ZDHHC21: variants seen among roughly 807,000 people sequenced by gnomAD.
ZDHHC21 encodes palmitoyltransferase ZDHHC21.
In ZDHHC21, 15 loss-of-function variants were observed where a neutral mutation model predicts 34.6. That is an observed-to-expected ratio of 0.43 (90% CI 0.29 to 0.67). The LOEUF (loss-of-function observed/expected upper bound fraction) is 0.67, where lower values mean the gene tolerates loss of function less well. Ranked by LOEUF, ZDHHC21 falls within the 30% of genes least tolerant of loss-of-function variation. ZDHHC21 has a pLI of 0.14. For missense variants in ZDHHC21, 344 were observed against 327.7 expected, an observed-to-expected ratio of 1.05 and a Z score of -0.38; for synonymous variants, 142 against 101.8, an observed-to-expected ratio of 1.40 and a Z score of -2.38.
chr9:14,619,120 G>C, intron 9 of ZDHHC21, 22 bp from the exon 10 acceptor site: 1 of 1,584,584 alleles, frequency 6.3e-7, no homozygotes, highest in Non-Finnish European at 8.6e-7. Context: ...AGCATTATTA[G>C]TGAAAGACAG....
the ZDHHC21 span, among the ~76,000 whole-genome samples, chr9:14,592,994 T>C: frequency 2.0e-5 from 3 of 152,140 alleles, no homozygotes; most frequent in Non-Finnish European, 4.4e-5. Flanking sequence ...TCAAAATTTA[T>C]GTGGTACAGC....
At chr9:14,681,252 TCTCA>T (rs1837318885) in intron 2 of ZDHHC21, among the ~76,000 whole-genome samples, 1 of 152,146 alleles carries the variant, frequency 6.6e-6, no homozygotes, top group South Asian at 2.1e-4. Flanking sequence ...TCAGACTCGG[TCTCA>T]CTATGTTGCC....
intron 7 of ZDHHC21, among the ~76,000 whole-genome samples, chr9:14,655,971 A>G (rs1832132008): frequency 1.3e-5 from 2 of 151,732 alleles, no homozygotes; most frequent in African/African-American, 2.4e-5. Flanking sequence ...AACACTAACT[A>G]AAAGACAACT....
At chr9:14,610,315 C>T (rs1823162135), downstream of ZDHHC21, among the ~76,000 whole-genome samples, 1 of 151,802 alleles carries the variant, frequency 6.6e-6, no homozygotes, top group Admixed American at 6.6e-5. Context: ...AGAATCAAAA[C>T]AAAGGAAATT....
At chr9:14,680,749 T>C (rs958780302) in intron 2 of ZDHHC21, among the ~76,000 whole-genome samples, 2 of 152,234 alleles carry the variant, frequency 1.3e-5, no homozygotes, top group Middle Eastern at 3.4e-3. Flanking sequence ...ACACAGGGTA[T>C]AGATGAAAAA....
chr9:14,660,219 A>G (rs1417317488), intron 6 of ZDHHC21, among the ~76,000 whole-genome samples: 4 of 151,876 alleles, frequency 2.6e-5, no homozygotes, highest in Admixed American at 6.6e-5. Context: ...TACAAAAATT[A>G]GCCAAGCATG....
the ZDHHC21 span, among the ~76,000 whole-genome samples, chr9:14,600,770 C>T: frequency 3.3e-4 from 50 of 152,218 alleles, no homozygotes; most frequent in African/African-American, 1.2e-3. Context: ...GCTACAGTAA[C>T]CAAAACAGCA....
At chr9:14,685,366 AAAC>A (rs996127528) in intron 2 of ZDHHC21, among the ~76,000 whole-genome samples, 95 of 151,880 alleles carry the variant, frequency 6.3e-4, no homozygotes, top group African/African-American at 2.2e-3. Flanking sequence ...AGAAAAAAAC[AAAC>A]AACCCCATCA....
chr9:14,659,576 T>A (rs968873420), intron 6 of ZDHHC21, among the ~76,000 whole-genome samples: 2 of 152,150 alleles, frequency 1.3e-5, no homozygotes, highest in Non-Finnish European at 1.5e-5. Flanking sequence ...TGTCAAAGTA[T>A]CCTAAAATTC....
At chr9:14,671,983 C>T (rs912377208) in intron 5 of ZDHHC21, among the ~76,000 whole-genome samples, 15 of 152,062 alleles carry the variant, frequency 9.9e-5, no homozygotes, top group African/African-American at 3.6e-4. Flanking sequence ...TTGACTGTTT[C>T]ATCTATATGC....
chr9:14,605,049 C>G, the ZDHHC21 span, among the ~76,000 whole-genome samples: 1 of 152,168 alleles, frequency 6.6e-6, no homozygotes, highest in Non-Finnish European at 1.5e-5. Flanking sequence ...CCTTCCTTTT[C>G]TATGGCTGAA....
rs1321418871 is a variant in ZDHHC21 at position 14,611,834 on chromosome 9, T to C, written c.*7132A>G. On this transcript the variant is annotated 3_prime_UTR_variant, in exon 10 of 10. Transcript: ENST00000380916. ...CACAATTCACTTGTCGGAATATCTC[T>C]GATTCTGGTGGAAGTTTTTACTTTT... The C allele has an allele frequency of 2.0e-5, 3 of 152,076 alleles. No homozygotes were observed. The highest frequency in any genetic ancestry group is 6.6e-5 in the Admixed American group (1 of 15,228). The allele number at this position is 152,076 out of a possible 1,614,324, so 9.4% of individuals were successfully genotyped here.
intron 8 of ZDHHC21, among the ~76,000 whole-genome samples, chr9:14,629,154 A>G (rs1267751965): frequency 6.6e-6 from 1 of 152,196 alleles, no homozygotes; most frequent in African/African-American, 2.4e-5. Context: ...TGTTTTACAG[A>G]GGTGTAATTG....
intron 8 of ZDHHC21, among the ~76,000 whole-genome samples, chr9:14,633,302 G>T (rs995417756): frequency 6.6e-6 from 1 of 152,210 alleles, no homozygotes; most frequent in South Asian, 2.1e-4. Flanking sequence ...AGTCAAAATT[G>T]GCTGGGGACA....
chr9:14,597,779 C>A, the ZDHHC21 span, among the ~76,000 whole-genome samples: 1 of 152,156 alleles, frequency 6.6e-6, no homozygotes, highest in Non-Finnish European at 1.5e-5. Context: ...GCCCTGACAA[C>A]AGGCCTGCTC....
chr9:14,615,148 TAATCTA>T lies in ZDHHC21; in HGVS notation c.*3812_*3817del, dbSNP rs1823949953. The T allele has an allele frequency of 6.6e-6, 1 of 151,762 alleles. No homozygotes were observed. The highest frequency in any genetic ancestry group is 1.5e-5 in the Non-Finnish European group (1 of 67,716). The allele number at this position is 151,762 out of a possible 1,614,324, so 9.4% of individuals were successfully genotyped here. A position where few individuals can be genotyped will look rare whatever the true frequency, so the allele number is the denominator to read the frequency against. ...TAACACACAGAAAATTGTGTAGCTA[TAATCTA>T]AATCAGTTCACACTTCCTGGTTTGA... is the stretch of plus-strand genomic sequence containing the variant. On this transcript the variant is annotated 3_prime_UTR_variant, in exon 10 of 10. Transcript: ENST00000380916.
At chr9:14,619,226 C>G (rs1824822940) in intron 9 of ZDHHC21, 128 bp from the exon 10 acceptor site, 4 of 1,029,560 alleles carry the variant, frequency 3.9e-6, no homozygotes, top group Non-Finnish European at 5.4e-6. Flanking sequence ...ATCATAAATA[C>G]AGCTTTTCTT....
At chr9:14,684,976 G>C (rs1838050683) in intron 2 of ZDHHC21, among the ~76,000 whole-genome samples, 1 of 152,182 alleles carries the variant, frequency 6.6e-6, no homozygotes, top group Non-Finnish European at 1.5e-5. Context: ...TTAATAAATG[G>C]TGTTGGGAAA....
rs1472155781 is a variant in ZDHHC21 at position 14,612,463 on chromosome 9, G to C, written c.*6503C>G. On this transcript the variant is annotated 3_prime_UTR_variant, in exon 10 of 10. Transcript: ENST00000380916. ...AATATACATAGCAGCATTACATTTG[G>C]ACAATTACATTTCAAAGGTGTTTTA... 1 of 151,904 alleles carries C rather than the reference G, an allele frequency of 6.6e-6. No individual in the cohort carries two copies. Among genetic ancestry groups the C allele is most frequent in the African/African-American group, 2.4e-5 (1 of 41,384 alleles). The allele number at this position is 151,904 out of a possible 1,614,324, so 9.4% of individuals were successfully genotyped here. A position where few individuals can be genotyped will look rare whatever the true frequency, so the allele number is the denominator to read the frequency against.
Sources: gnomAD v4.1 joint callset for allele counts (sites outside exome capture counted in the v4.1 genomes callset) on GRCh38, gnomAD v4.1.1 for gene constraint, MANE v1.5 for transcripts, NCBI Gene and HGNC (gene_info 2026-07-23, HGNC 2026-07-21) for gene names.